The following DRAM1 variants were observed in gnomAD, a reference collection of about 807,000 sequenced individuals.
DRAM1 encodes DNA damage regulated autophagy modulator 1, also known as DNA damage-regulated autophagy modulator protein 1.
DRAM1 carries 25 observed loss-of-function variants against 28.5 expected under a neutral mutation model. That is an observed-to-expected ratio of 0.88 (90% CI 0.64 to 1.23). DRAM1 has a LOEUF of 1.23. Ranked by LOEUF, DRAM1 falls within the 50% of genes most tolerant of loss-of-function variation. The probability of loss-of-function intolerance (pLI) is 0.00; values close to 1 mark genes in which losing one functional copy is unlikely to be tolerated. For synonymous variants in DRAM1, 113 were observed against 114.2 expected (o/e 0.99, Z 0.07); for missense variants, 249 against 299.2 (o/e 0.83, Z 1.24).
chr12:101,894,002 C>T (rs1180323720), intron 1 of DRAM1, among the ~76,000 whole-genome samples: 1 of 152,134 alleles, frequency 6.6e-6, no homozygotes, highest in Non-Finnish European at 1.5e-5. Flanking sequence ...ATGATCTTGG[C>T]TCACTGCAAC....
At chr12:101,886,335 T>G (rs1343026619) in intron 1 of DRAM1, among the ~76,000 whole-genome samples, 4 of 152,226 alleles carry the variant, frequency 2.6e-5, no homozygotes, top group Non-Finnish European at 5.9e-5. Flanking sequence ...ACTTGACTTC[T>G]CTCTGCTTCT....
Position 101,881,308 on chromosome 12 carries a change from A to C in DRAM1, c.131+3388A>C, listed in dbSNP as rs181932969. Among the ~76,000 whole-genome samples the C allele has an allele frequency of 4.9e-4, 74 of 152,238 alleles. 1 individual carries two copies. Among genetic ancestry groups the C allele is most frequent in the African/African-American group, 1.8e-3 (74 of 41,554 alleles). On this transcript the variant is annotated intron_variant, in intron 1 of 6. Coordinates refer to ENST00000258534, the MANE Select transcript of DRAM1 (RefSeq NM_018370.3). ...AAAATGAAAGAACCAGACATAGAGA[A>C]GTGATAACTCTACATTTATCTACTG...
At chr12:101,897,149 A>T (rs905573383) in intron 1 of DRAM1, among the ~76,000 whole-genome samples, 5 of 152,000 alleles carry the variant, frequency 3.3e-5, no homozygotes, top group Non-Finnish European at 5.9e-5. Context: ...AAATAAAGTG[A>T]TGTGTTTATG....
intron 3 of DRAM1, among the ~76,000 whole-genome samples, chr12:101,906,854 CAAAAAAAAAA>C (rs751751554): frequency 4.4e-5 from 3 of 67,510 alleles, no homozygotes; most frequent in South Asian, 1.2e-3. Flanking sequence ...GACTCTGCCT[CAAAAAAAAAA>C]AAAAAAAAAG....
In DRAM1 at chr12:101,921,252, G is replaced by C; in HGVS notation, c.709G>C (p.Asp237His). 1 of 1,606,642 alleles carries C rather than the reference G, an allele frequency of 6.2e-7. No homozygotes were observed. The highest frequency in any genetic ancestry group is 8.5e-7 in the Non-Finnish European group (1 of 1,173,254). The change falls in exon 7 of 7, where the codon GAT (aspartate) becomes CAT (histidine). Residue 237 changes from aspartate (D) to histidine (H), a missense_variant. Physicochemically the swap from Asp to His is moderately conservative, Grantham distance 81. Around this residue, in one of 3 missense-constraint regions of DRAM1, gnomAD observed 16 missense variants for 16.2 expected, o/e 0.99. Transcript: ENST00000258534. ...TLRISTEING[D>H]I ...AAGGATATCCACAGAAATCAATGGTGATATTTGAAGAAAGAAGAATTCAGT... is the reference window on the plus strand; with the variant it reads ...AAGGATATCCACAGAAATCAATGGTCATATTTGAAGAAAGAAGAATTCAGT...
At chr12:101,904,710 G>A (rs1279659039) in intron 3 of DRAM1, among the ~76,000 whole-genome samples, 2 of 151,586 alleles carry the variant, frequency 1.3e-5, no homozygotes, top group Admixed American at 6.6e-5. Context: ...CAAAGTGCTG[G>A]GATTACAGGC....
chr12:101,896,165 G>A (rs1055180784), intron 1 of DRAM1, among the ~76,000 whole-genome samples: 2 of 152,246 alleles, frequency 1.3e-5, no homozygotes, highest in Non-Finnish European at 2.9e-5. Flanking sequence ...TGGGATTACA[G>A]GCGTGGGCCA....
At chr12:101,908,043 T>C in intron 3 of DRAM1, 143 bp from the exon 4 acceptor site, 1 of 710,418 alleles carries the variant, frequency 1.4e-6, no homozygotes, top group Non-Finnish European at 2.3e-6. Flanking sequence ...GGGCTTTTCT[T>C]TTGGTAGTCA....
At position 101,898,204 on chromosome 12, in the gene DRAM1, G is replaced by C. The variant is rs538392859; in HGVS notation, c.199+274G>C. Among the ~76,000 whole-genome samples the C allele has an allele frequency of 4.6e-5, 7 of 152,004 alleles. No homozygotes were observed. In the East Asian group the frequency reaches 1.4e-3, roughly 29 times the overall value. ...CCCAGCTAATTTTTTGTAGTTTTTT[G>C]TAGAGATGGGGTTTCACCATGTTGC... On this transcript the variant is annotated intron_variant, in intron 2 of 6. Coordinates refer to ENST00000258534, the MANE Select transcript of DRAM1 (RefSeq NM_018370.3).
intron 3 of DRAM1, among the ~76,000 whole-genome samples, chr12:101,904,602 C>T (rs191628765): frequency 0.025 from 3,751 of 151,466 alleles, 162 homozygotes; most frequent in African/African-American, 0.086. Context: ...CCACCACGCC[C>T]GGCTAATTTT....
intron 4 of DRAM1, among the ~76,000 whole-genome samples, chr12:101,909,525 C>T (rs987278714): frequency 6.6e-6 from 1 of 152,084 alleles, no homozygotes; most frequent in Non-Finnish European, 1.5e-5. Context: ...CTAAACTCTC[C>T]CCCTCCCTGC....
chr12:101,888,186 A>G lies in DRAM1; in HGVS notation c.132-9677A>G, dbSNP rs1034343735. On this transcript the variant is annotated intron_variant, in intron 1 of 6. Transcript: ENST00000258534. ...GCTCTGTTGCCCAGGCTGGTGTGCA[A>G]TGGTGTGATCTCAGCTCACTGCAGC... is the stretch of plus-strand genomic sequence containing the variant. Among the ~76,000 whole-genome samples, 5 of 152,106 alleles carry G rather than the reference A, an allele frequency of 3.3e-5. No individual in the cohort carries two copies. The South Asian group carries it at 8.3e-4, about 25-fold the overall frequency.
chr12:101,907,386 T>G (rs1280078837), intron 3 of DRAM1, among the ~76,000 whole-genome samples: 3 of 151,002 alleles, frequency 2.0e-5, no homozygotes, highest in East Asian at 3.9e-4. Context: ...GTACTTTGGT[T>G]TTTTTTTTCA....
intron 1 of DRAM1, among the ~76,000 whole-genome samples, chr12:101,885,819 C>T (rs755512998): frequency 5.3e-5 from 8 of 152,210 alleles, no homozygotes; most frequent in Admixed American, 2.0e-4. Context: ...TGAGCCACCG[C>T]GTCCGGCCTC....
intron 1 of DRAM1, among the ~76,000 whole-genome samples, chr12:101,887,124 G>A (rs1028029758): frequency 4.6e-5 from 6 of 130,302 alleles, no homozygotes; most frequent in Non-Finnish European, 9.3e-5. Context: ...CAGCCTGGGC[G>A]ACAAGAGTGA....
chr12:101,906,185 C>T (rs1395834634), intron 3 of DRAM1, among the ~76,000 whole-genome samples: 2 of 152,278 alleles, frequency 1.3e-5, no homozygotes, highest in East Asian at 3.9e-4. Context: ...TCAATTTCTC[C>T]CCTTATTTCT....
At chr12:101,916,665 T>C (rs1826991720) in intron 5 of DRAM1, among the ~76,000 whole-genome samples, 1 of 152,168 alleles carries the variant, frequency 6.6e-6, no homozygotes. Context: ...CAGAGGATTC[T>C]TTCCCCCAAG....
At chr12:101,882,742 C>T (rs953166800) in intron 1 of DRAM1, among the ~76,000 whole-genome samples, 3 of 150,224 alleles carry the variant, frequency 2.0e-5, no homozygotes, top group African/African-American at 7.3e-5. Context: ...CTTACAGGAA[C>T]GTGAATTGAT....
intron 5 of DRAM1, among the ~76,000 whole-genome samples, chr12:101,919,025 G>C (rs1367875999): frequency 6.6e-6 from 1 of 151,894 alleles, no homozygotes; most frequent in Admixed American, 6.6e-5. Context: ...AGGCTCAAGT[G>C]ATCCTCCCAG....
Sources: gnomAD v4.1 joint callset for allele counts (sites outside exome capture counted in the v4.1 genomes callset) on GRCh38, gnomAD v4.1.1 for gene constraint, gnomAD v4.1.1 regional missense constraint, MANE v1.5 for transcripts, NCBI Gene and HGNC (gene_info 2026-07-23, HGNC 2026-07-21) for gene names.